The following GRIA4 variants were observed in gnomAD, a reference collection of about 807,000 sequenced individuals.
GRIA4 encodes glutamate receptor 4.
A neutral mutation model predicts 104.0 loss-of-function variants in GRIA4; 34 were observed. That is an observed-to-expected ratio of 0.33 (90% CI 0.25 to 0.44). GRIA4 has a LOEUF of 0.44. Ranked by LOEUF, GRIA4 falls within the 20% of genes least tolerant of loss-of-function variation. GRIA4 has a pLI of 1.00. For missense variants in GRIA4, 750 were observed against 1,096.5 expected (o/e 0.68, Z 4.46); for synonymous variants, 386 against 381.9 (o/e 1.01, Z -0.13).
intron 6 of GRIA4, among the ~76,000 whole-genome samples, chr11:105,888,722 A>C (rs1352633366): frequency 6.6e-6 from 1 of 152,138 alleles, no homozygotes; most frequent in Non-Finnish European, 1.5e-5. Flanking sequence ...ACTTTGAGAC[A>C]GGAATTTTCG....
chr11:105,677,401 C>T (rs1018256414), intron 3 of GRIA4, among the ~76,000 whole-genome samples: 1 of 151,814 alleles, frequency 6.6e-6, no homozygotes, highest in Non-Finnish European at 1.5e-5. Flanking sequence ...AACTAGGAAA[C>T]ATTCCTGATG....
intron 4 of GRIA4, chr11:105,824,893 G>A (rs1384292515): frequency 6.6e-6 from 1 of 152,046 alleles, no homozygotes; most frequent in Non-Finnish European, 1.5e-5. Flanking sequence ...GTATAATGAT[G>A]CCTCTAGGGA....
In GRIA4 at chr11:105,675,439, A is replaced by T. The variant is rs537422443; in HGVS notation, c.247+63005A>T. 6.6e-5 allele frequency among the ~76,000 whole-genome samples: 10 copies of T among 151,950 alleles called. No individual in the cohort carries two copies. In the South Asian group the frequency reaches 1.9e-3, roughly 28 times the overall value. ...TTCTAAGCATAGTTTCTTTGCCAGTAAATTTAATAAGCTAATTTCCAGCAT... is the reference window on the plus strand; with the variant it reads ...TTCTAAGCATAGTTTCTTTGCCAGTTAATTTAATAAGCTAATTTCCAGCAT... On this transcript the variant is annotated intron_variant, in intron 3 of 16. Coordinates refer to ENST00000282499, the MANE Select transcript of GRIA4 (RefSeq NM_000829.4).
chr11:105,789,510 C>G (rs1942122937), intron 4 of GRIA4, among the ~76,000 whole-genome samples: 1 of 152,134 alleles, frequency 6.6e-6, no homozygotes, highest in Non-Finnish European at 1.5e-5. Context: ...AGAGACAGGT[C>G]ATGTATGTCC....
At chr11:105,758,143 C>A (rs1268677797) in intron 4 of GRIA4, among the ~76,000 whole-genome samples, 1 of 152,110 alleles carries the variant, frequency 6.6e-6, no homozygotes, top group Non-Finnish European at 1.5e-5. Context: ...ACTCTGGAGG[C>A]TGAGGTAGGG....
chr11:105,624,359 T>C (rs1950830991), intron 3 of GRIA4, among the ~76,000 whole-genome samples: 1 of 152,150 alleles, frequency 6.6e-6, no homozygotes, highest in Non-Finnish European at 1.5e-5. Flanking sequence ...AAAGCCCTTT[T>C]GGGAAGCCCA....
chr11:105,896,902 A>G (rs1295100640), intron 6 of GRIA4, among the ~76,000 whole-genome samples: 1 of 152,086 alleles, frequency 6.6e-6, no homozygotes, highest in Admixed American at 6.6e-5. Context: ...GCTTTTTATT[A>G]GTTCCATATG....
At chr11:105,637,773 T>G (rs1018671160) in intron 3 of GRIA4, among the ~76,000 whole-genome samples, 1 of 152,170 alleles carries the variant, frequency 6.6e-6, no homozygotes, top group Non-Finnish European at 1.5e-5. Flanking sequence ...TCGAGGGCTA[T>G]TATAGCATAT....
At chr11:105,770,838 A>G (rs1409115879) in intron 4 of GRIA4, among the ~76,000 whole-genome samples, 1 of 152,074 alleles carries the variant, frequency 6.6e-6, no homozygotes, top group African/African-American at 2.4e-5. Flanking sequence ...TAAGCCCTTC[A>G]GTGTTCTAAA....
chr11:105,651,133 C>A (rs1384948116), intron 3 of GRIA4, among the ~76,000 whole-genome samples: 1 of 152,128 alleles, frequency 6.6e-6, no homozygotes, highest in Admixed American at 6.5e-5. Context: ...ATCTACTTAA[C>A]TTTGGTAAAA....
intron 3 of GRIA4, among the ~76,000 whole-genome samples, chr11:105,666,510 T>C (rs2135424599): frequency 6.6e-6 from 1 of 152,054 alleles, no homozygotes; most frequent in East Asian, 1.9e-4. Flanking sequence ...TCTTAAAAAC[T>C]ATGAAATAAT....
chr11:105,688,156 C>CTATATCTATATCTATCTA (rs373564678), intron 3 of GRIA4, among the ~76,000 whole-genome samples: 22 of 72,774 alleles, frequency 3.0e-4, no homozygotes, highest in South Asian at 2.6e-3. Flanking sequence ...ATATCTATAT[C>CTATATCTATATCTATCTA]TCTATCTATC....
chr11:105,682,616 C>A (rs1425022222), intron 3 of GRIA4, among the ~76,000 whole-genome samples: 2 of 152,164 alleles, frequency 1.3e-5, no homozygotes, highest in African/African-American at 2.4e-5. Flanking sequence ...ACTTACAATT[C>A]CAGTTATGGG....
intron 9 of GRIA4, among the ~76,000 whole-genome samples, chr11:105,907,326 T>C (rs1466000755): frequency 9.2e-5 from 14 of 152,072 alleles, no homozygotes; most frequent in Non-Finnish European, 1.3e-4. Context: ...TCTATCTTCT[T>C]TTTTCCATGG....
At chr11:105,661,745 T>C (rs2135412594) in intron 3 of GRIA4, among the ~76,000 whole-genome samples, 1 of 151,650 alleles carries the variant, frequency 6.6e-6, no homozygotes, top group African/African-American at 2.4e-5. Context: ...TTTGTCAAAT[T>C]TGGACGATGG....
intron 3 of GRIA4, among the ~76,000 whole-genome samples, chr11:105,709,098 T>C (rs1186164080): frequency 6.6e-6 from 1 of 151,988 alleles, no homozygotes; most frequent in Non-Finnish European, 1.5e-5. Context: ...AATCTTGTGG[T>C]GTCAGAAAAT....
chr11:105,949,864 A>G (rs1480664193), intron 14 of GRIA4, among the ~76,000 whole-genome samples: 1 of 152,214 alleles, frequency 6.6e-6, no homozygotes, highest in Non-Finnish European at 1.5e-5. Flanking sequence ...AGTTTGATTA[A>G]GAGACTAGAC....
intron 4 of GRIA4, among the ~76,000 whole-genome samples, chr11:105,805,365 G>T (rs1030632933): frequency 6.6e-6 from 1 of 150,896 alleles, no homozygotes; most frequent in Admixed American, 6.6e-5. Flanking sequence ...ACCCATAACT[G>T]CTGGTTAAGA....
chr11:105,615,628 A>C (rs1294283855), intron 3 of GRIA4, among the ~76,000 whole-genome samples: 1 of 151,860 alleles, frequency 6.6e-6, no homozygotes, highest in African/African-American at 2.4e-5. Context: ...TTAAAAAATA[A>C]ATTTAATATA....
Sources: allele counts gnomAD v4.1 joint callset (sites outside exome capture counted in the v4.1 genomes callset), GRCh38; gene constraint gnomAD v4.1.1; transcripts MANE v1.5; gene names NCBI Gene and HGNC (gene_info 2026-07-23, HGNC 2026-07-21).